Variants in ERBB4 observed in about 807,000 individuals in gnomAD.
ERBB4 encodes the protein receptor tyrosine-protein kinase erbB-4.
Under a neutral mutation model 158.0 loss-of-function variants are expected in ERBB4, and 42 were observed. That is an observed-to-expected ratio of 0.27 (90% CI 0.21 to 0.34). ERBB4 has a LOEUF of 0.34. Among genes scored for constraint, ERBB4 ranks in the 10% least tolerant of loss-of-function variants. The pLI is 1.00. For missense variants in ERBB4, 1,333 were observed against 1,624.1 expected (o/e 0.82, Z 3.08); for synonymous variants, 583 against 558.7 (o/e 1.04, Z -0.61).
At chr2:212,471,324 C>T (rs1227681886) in intron 1 of ERBB4, among the ~76,000 whole-genome samples, 1 of 151,986 alleles carries the variant, frequency 6.6e-6, no homozygotes, top group Non-Finnish European at 1.5e-5. Flanking sequence ...AAGAAAGAGA[C>T]TCTTTGCAGA....
chr2:211,478,184 A>G (rs2065002880), intron 20 of ERBB4, among the ~76,000 whole-genome samples: 1 of 152,178 alleles, frequency 6.6e-6, no homozygotes. Context: ...TGAGCAAGGT[A>G]TTAGGAACAC....
chr2:211,784,434 T>C (rs983276960), intron 4 of ERBB4, among the ~76,000 whole-genome samples: 1 of 152,236 alleles, frequency 6.6e-6, no homozygotes, highest in African/African-American at 2.4e-5. Flanking sequence ...CCAGATCTCC[T>C]TCCTTTTTCA....
intron 20 of ERBB4, among the ~76,000 whole-genome samples, chr2:211,436,169 A>C (rs1247921158): frequency 1.3e-5 from 2 of 152,196 alleles, no homozygotes. Context: ...TGGCAGAAAA[A>C]AACTATTATC....
At chr2:212,320,709 A>T in intron 1 of ERBB4, among the ~76,000 whole-genome samples, 1 of 149,090 alleles carries the variant, frequency 6.7e-6, no homozygotes. Flanking sequence ...CTTATACTTT[A>T]CTCTTTTTCT....
chr2:212,147,021 C>T (rs2080699162), intron 1 of ERBB4, among the ~76,000 whole-genome samples: 2 of 118,610 alleles, frequency 1.7e-5, no homozygotes, highest in Non-Finnish European at 3.3e-5. Flanking sequence ...GACAGGGTCT[C>T]ACTCTGTTGC....
At chr2:212,194,553 A>C (rs2082366889) in intron 1 of ERBB4, among the ~76,000 whole-genome samples, 1 of 152,042 alleles carries the variant, frequency 6.6e-6, no homozygotes, top group African/African-American at 2.4e-5. Flanking sequence ...GTTCATTAGA[A>C]TCATACAAAC....
chr2:211,961,553 C>T (rs544851534), intron 2 of ERBB4, among the ~76,000 whole-genome samples: 1 of 152,262 alleles, frequency 6.6e-6, no homozygotes, highest in African/African-American at 2.4e-5. Flanking sequence ...AACTTGTTAG[C>T]TTGCAAACAC....
chr2:211,907,863 A>G (rs10187387), intron 3 of ERBB4, among the ~76,000 whole-genome samples: 51,602 of 151,378 alleles, frequency 0.34, 10,219 homozygotes, highest in African/African-American at 0.51. Context: ...TAAGTTTGGG[A>G]GTTTAAGCTA....
chr2:212,157,824 A>G (rs1326604040), intron 1 of ERBB4, among the ~76,000 whole-genome samples: 1 of 152,056 alleles, frequency 6.6e-6, no homozygotes, highest in Non-Finnish European at 1.5e-5. Flanking sequence ...CTTAAGCCAG[A>G]GCTCTTCCTA....
intron 17 of ERBB4, among the ~76,000 whole-genome samples, chr2:211,628,382 T>C (rs924018506): frequency 1.7e-4 from 26 of 152,172 alleles, no homozygotes; most frequent in African/African-American, 5.6e-4. Flanking sequence ...TGTGTTCTCA[T>C]TGTTCAATTC....
intron 19 of ERBB4, among the ~76,000 whole-genome samples, chr2:211,614,075 G>A (rs182931695): frequency 6.6e-6 from 1 of 152,048 alleles, no homozygotes; most frequent in East Asian, 1.9e-4. Context: ...ACACAGTGGA[G>A]CACTATTCAG....
chr2:212,221,752 G>C (rs2083297543), intron 1 of ERBB4, among the ~76,000 whole-genome samples: 2 of 151,262 alleles, frequency 1.3e-5, no homozygotes, highest in African/African-American at 2.4e-5. Context: ...TCTTCTGTAG[G>C]AGAGTCTCAT....
At chr2:212,191,659 T>C (rs531584892) in intron 1 of ERBB4, among the ~76,000 whole-genome samples, 5 of 142,320 alleles carry the variant, frequency 3.5e-5, no homozygotes, top group Non-Finnish European at 6.2e-5. Context: ...ACATGCGTTA[T>C]ACATGTCATA....
chr2:211,959,132 C>A (rs2081106944), intron 2 of ERBB4, among the ~76,000 whole-genome samples: 1 of 152,082 alleles, frequency 6.6e-6, no homozygotes, highest in Non-Finnish European at 1.5e-5. Flanking sequence ...CATCCACCCA[C>A]CCATACATCT....
chr2:212,376,049 C>G (rs116263855), intron 1 of ERBB4, among the ~76,000 whole-genome samples: 1 of 151,888 alleles, frequency 6.6e-6, no homozygotes, highest in African/African-American at 2.4e-5. Flanking sequence ...TTGATGAAGA[C>G]CAATGATTGA....
chr2:211,420,186 TTAAGA>T (rs1237640610), intron 25 of ERBB4, among the ~76,000 whole-genome samples: 1 of 151,994 alleles, frequency 6.6e-6, no homozygotes, highest in African/African-American at 2.4e-5. Flanking sequence ...TTTAAATAAA[TTAAGA>T]TGAGGAAAAT....
In ERBB4 at chr2:211,838,981, A is replaced by T. The variant is rs181021045; in HGVS notation, c.422-50822T>A. ...AAAGCAGAAATGATTTACCAACTGA[A>T]TAAGTGTAGGTAATTTTACTGTATG... On this transcript the variant is annotated intron_variant, in intron 3 of 27. Coordinates refer to ENST00000342788, the MANE Select transcript of ERBB4 (RefSeq NM_005235.3). 2.6e-5 allele frequency among the ~76,000 whole-genome samples: 4 copies of T among 152,290 alleles called. No individual in the cohort carries two copies. In the East Asian group the frequency reaches 7.7e-4, roughly 29 times the overall value.
At chr2:212,510,809 A>G (rs1691475355) in intron 1 of ERBB4, among the ~76,000 whole-genome samples, 2 of 152,122 alleles carry the variant, frequency 1.3e-5, no homozygotes, top group Admixed American at 1.3e-4. Context: ...AAAATAATCT[A>G]TGAAACAAAG....
At chr2:211,938,076 T>C (rs749714621) in intron 3 of ERBB4, among the ~76,000 whole-genome samples, 2 of 152,264 alleles carry the variant, frequency 1.3e-5, no homozygotes, top group Non-Finnish European at 2.9e-5. Flanking sequence ...ACATTCTGTA[T>C]TCTACAATTT....
Sources: allele counts gnomAD v4.1 joint callset (sites outside exome capture counted in the v4.1 genomes callset), GRCh38; gene constraint gnomAD v4.1.1; transcripts MANE v1.5; gene names NCBI Gene and HGNC (gene_info 2026-07-23, HGNC 2026-07-21).